Variants in STK3 observed in about 807,000 individuals in gnomAD.
STK3 encodes the protein serine/threonine-protein kinase 3.
Under a neutral mutation model 58.0 loss-of-function variants are expected in STK3, and 41 were observed. The observed-to-expected ratio is 0.71, with a 90% CI of 0.55 to 0.92. STK3 has a LOEUF of 0.92. Among genes scored for constraint, STK3 ranks in the 40% least tolerant of loss-of-function variants. The pLI is 0.00. For missense variants in STK3, 479 were observed against 602.7 expected, an observed-to-expected ratio of 0.79 and a Z score of 2.15; for synonymous variants, 170 against 191.0, an observed-to-expected ratio of 0.89 and a Z score of 0.91.
At chr8:98,828,382 G>C (rs1244919373), upstream of STK3, among the ~76,000 whole-genome samples, 1 of 127,368 alleles carries the variant, frequency 7.9e-6, no homozygotes, top group African/African-American at 3.0e-5. Flanking sequence ...CAGGCAGATA[G>C]CTTGAGCCCA....
chr8:98,858,025 T>C (rs1223408909), intron 3 of STK3, among the ~76,000 whole-genome samples: 1 of 151,930 alleles, frequency 6.6e-6, no homozygotes, highest in Non-Finnish European at 1.5e-5. Context: ...TCTCACATGT[T>C]TACCAATGGC....
At chr8:98,661,102 C>T (rs1445409522) in intron 6 of STK3, among the ~76,000 whole-genome samples, 1 of 151,588 alleles carries the variant, frequency 6.6e-6, no homozygotes, top group East Asian at 1.9e-4. Flanking sequence ...TTCTTTGTAA[C>T]TCTTTAGAGC....
At chr8:98,381,639 T>G (rs2131001479) in intron 1 of STK3, among the ~76,000 whole-genome samples, 1 of 152,348 alleles carries the variant, frequency 6.6e-6, no homozygotes, top group South Asian at 2.1e-4. Context: ...TTTTGTCTAT[T>G]GTCCGTCACT....
intron 6 of STK3, among the ~76,000 whole-genome samples, chr8:98,696,714 A>G (rs1056990678): frequency 6.6e-6 from 1 of 152,272 alleles, no homozygotes. Flanking sequence ...AGCCCACTTG[A>G]TCATGGTGGA....
chr8:98,372,511 C>A (rs1817621191), intron 2 of STK3, among the ~76,000 whole-genome samples: 1 of 148,380 alleles, frequency 6.7e-6, no homozygotes, highest in African/African-American at 2.5e-5. Flanking sequence ...TTTTCCTAGG[C>A]TTTTCTACCT....
intron 6 of STK3, among the ~76,000 whole-genome samples, chr8:98,699,689 C>T (rs940303242): frequency 6.6e-6 from 1 of 152,196 alleles, no homozygotes; most frequent in African/African-American, 2.4e-5. Flanking sequence ...TTTTCATGAA[C>T]CGCGAATGCT....
rs753586561 is a variant in STK3, at chr8:98,810,682, G to A, written c.26+14833C>T. On this transcript the variant is annotated intron_variant, in intron 1 of 10. Coordinates refer to ENST00000419617, the MANE Select transcript of STK3 (RefSeq NM_006281.4). Reference sequence around the variant, plus strand: ...AAAGCTTTCTGTACAATCAGATCTAGCTCTCTAGTCAAAAATAATTGGTGA... The same window carrying A: ...AAAGCTTTCTGTACAATCAGATCTAACTCTCTAGTCAAAAATAATTGGTGA... Among the ~76,000 whole-genome samples, 5 of 152,216 alleles carry A rather than the reference G, an allele frequency of 3.3e-5. No individual in the cohort carries two copies. In the South Asian group the frequency reaches 6.2e-4, roughly 19 times the overall value.
chr8:98,658,568 C>G (rs1335410481), intron 6 of STK3, among the ~76,000 whole-genome samples: 2 of 152,018 alleles, frequency 1.3e-5, no homozygotes, highest in Non-Finnish European at 2.9e-5. Context: ...CTCCTGTTAA[C>G]TACCTCATTT....
rs568859614 is a variant in STK3 at position 98,586,004 on chromosome 8, A to G, written c.823-6215T>C. Among the ~76,000 whole-genome samples the G allele has an allele frequency of 2.0e-5, 3 of 152,282 alleles. No individual in the cohort carries two copies. In the South Asian group the frequency reaches 6.2e-4, roughly 32 times the overall value. Reference sequence around the variant, plus strand: ...GCTTAAGGAGATTTTGGGCTAAGACAATGGGGTTTTCTAGATATACAATCA... The same window carrying G: ...GCTTAAGGAGATTTTGGGCTAAGACGATGGGGTTTTCTAGATATACAATCA... On this transcript the variant is annotated intron_variant, in intron 7 of 10. Coordinates refer to ENST00000419617, the MANE Select transcript of STK3 (RefSeq NM_006281.4).
intron 6 of STK3, among the ~76,000 whole-genome samples, chr8:98,600,344 AT>A (rs1338543448): frequency 6.6e-6 from 1 of 152,222 alleles, no homozygotes; most frequent in Non-Finnish European, 1.5e-5. Context: ...CTGTTCCCAT[AT>A]CTTAATATGG....
intron 1 of STK3, among the ~76,000 whole-genome samples, chr8:98,924,789 C>T (rs977261674): frequency 6.6e-6 from 1 of 152,098 alleles, no homozygotes. Flanking sequence ...GCTAGGTCTG[C>T]GGAAAGCAGA....
chr8:98,376,060 T>C (rs976331942), intron 2 of STK3, among the ~76,000 whole-genome samples: 2 of 152,254 alleles, frequency 1.3e-5, no homozygotes, highest in East Asian at 1.9e-4. Context: ...ATTTTAGTTG[T>C]TCCATATCCT....
the STK3 span, among the ~76,000 whole-genome samples, chr8:98,357,526 G>A: frequency 4.6e-5 from 7 of 152,308 alleles, no homozygotes; most frequent in East Asian, 1.4e-3. Context: ...GGAGGTGTAA[G>A]GCTGGCACTG....
At chr8:98,652,885 A>C (rs1676601915) in intron 6 of STK3, among the ~76,000 whole-genome samples, 1 of 152,098 alleles carries the variant, frequency 6.6e-6, no homozygotes, top group African/African-American at 2.4e-5. Context: ...TAATAATGGG[A>C]GACTTTAACA....
rs374648234 is a variant in STK3, at chr8:98,706,669, C to A, written c.517-35G>T. The A allele has an allele frequency of 2.1e-5, 31 of 1,496,350 alleles. 1 individual carries two copies. The South Asian group carries it at 4.1e-4, about 20-fold the overall frequency. The allele number at this position is 1,496,350 out of a possible 1,614,324, so 92.7% of individuals were successfully genotyped here. A position where few individuals can be genotyped will look rare whatever the true frequency, so the allele number is the denominator to read the frequency against. On this transcript the variant is annotated intron_variant, in intron 5 of 10. Coordinates refer to ENST00000419617, the MANE Select transcript of STK3 (RefSeq NM_006281.4). ...TGTTACATAGCCATAAATGCTACTA[C>A]AAAAGCACAAAGGAAATCTGTATGC...
chr8:98,657,278 C>A lies in STK3; in HGVS notation c.684+49189G>T, dbSNP rs190862033. On this transcript the variant is annotated intron_variant, in intron 6 of 10. Transcript: ENST00000419617. Reference sequence around the variant, plus strand: ...ATCAAATCATTCAATCACAAACAACCCTTCGAGATAGTTACTATGAAAATA... The same window carrying A: ...ATCAAATCATTCAATCACAAACAACACTTCGAGATAGTTACTATGAAAATA... 5.0e-4 allele frequency among the ~76,000 whole-genome samples: 76 copies of A among 152,078 alleles called. No individual in the cohort carries two copies. In the East Asian group the frequency reaches 0.013, roughly 26 times the overall value.
chr8:98,518,030 C>A (rs1210586541), intron 10 of STK3, among the ~76,000 whole-genome samples: 1 of 152,022 alleles, frequency 6.6e-6, no homozygotes, highest in Non-Finnish European at 1.5e-5. Context: ...ATGTAATCTT[C>A]TAAATAAATG....
At chr8:98,529,176 T>A (rs1273693307) in intron 9 of STK3, among the ~76,000 whole-genome samples, 1 of 152,212 alleles carries the variant, frequency 6.6e-6, no homozygotes. Context: ...AGAAAGCATG[T>A]TAAGACTTAT....
intron 1 of STK3, among the ~76,000 whole-genome samples, chr8:98,795,091 AAAAAAAAAAAAAATATATAT>A (rs1833047158): frequency 1.6e-5 from 1 of 64,248 alleles, no homozygotes; most frequent in Non-Finnish European, 2.8e-5. Flanking sequence ...AAAAAAAAAA[AAAAAAAAAAAAAATATATAT>A]ATATATATAT....
Sources: gnomAD v4.1 joint callset for allele counts (sites outside exome capture counted in the v4.1 genomes callset) on GRCh38, gnomAD v4.1.1 for gene constraint, MANE v1.5 for transcripts, NCBI Gene and HGNC (gene_info 2026-07-23, HGNC 2026-07-21) for gene names.